The following KLHL36 variants were observed in gnomAD, a reference collection of about 807,000 sequenced individuals.
KLHL36 encodes kelch like family member 36, also known as kelch-like protein 36.
KLHL36 carries 35 observed loss-of-function variants against 53.3 expected under a neutral mutation model. The ratio of observed to expected loss-of-function variants is 0.66; its 90% CI spans 0.50 to 0.87. The LOEUF is 0.87. Ranked by LOEUF, KLHL36 falls within the 40% of genes least tolerant of loss-of-function variation. The pLI, the probability that KLHL36 is intolerant of heterozygous loss-of-function variation, is 0.00. For synonymous variants in KLHL36, 472 were observed against 398.9 expected (o/e 1.18, Z -2.18); for missense variants, 864 against 897.6 (o/e 0.96, Z 0.48).
In KLHL36 at chr16:84,661,940, G is replaced by C; in HGVS notation, c.1658G>C (p.Gly553Ala). Residue 553 changes from glycine to alanine, a missense_variant, in exon 5 of 5, where the codon GGC becomes GCC. Transcript: ENST00000564996. The surrounding 1 kb of genome is among the most constrained non-coding windows in gnomAD (Gnocchi z 7.9). ...VWEGRIYILG[G>A]YSWENTAFSK... ...GAGGGCCGCATCTACATCCTGGGCG[G>C]CTACAGCTGGGAGAACACTGCCTTC... The C allele has an allele frequency of 1.2e-6, 2 of 1,600,330 alleles. No homozygotes were observed. The highest frequency in any genetic ancestry group is 1.7e-6 in the Non-Finnish European group (2 of 1,173,858).
At chr16:84,656,740 C>G (rs1417735712) in intron 2 of KLHL36, 131 bp from the exon 3 acceptor site, 1 of 680,590 alleles carries the variant, frequency 1.5e-6, no homozygotes, top group Non-Finnish European at 2.5e-6. Flanking sequence ...TCCTGCAGTG[C>G]CCTCTGATGC....
Position 84,664,316 on chromosome 16 carries a change from T to TG in KLHL36, c.*2187dup. 1 of 152,164 alleles carries TG rather than the reference T, an allele frequency of 6.6e-6. No homozygotes were observed. The highest frequency in any genetic ancestry group is 1.9e-4 in the East Asian group (1 of 5,178). 9.4% of individuals were successfully genotyped at this position (152,164 alleles called of 1,614,324 possible). On this transcript the variant is annotated 3_prime_UTR_variant, in exon 5 of 5. Transcript: ENST00000564996. ...GTTTGGCCTGAATCTCGGGGCAAGT[T>TG]GGGGAGAGCACATAGAAAGACTCTG...
rs754918968 is a variant in KLHL36 at position 84,657,229 on chromosome 16, A to T, written c.422A>T (p.Gln141Leu). The T allele has an allele frequency of 6.2e-7, 1 of 1,614,194 alleles. No homozygotes were observed. The highest frequency in any genetic ancestry group is 1.1e-5 in the South Asian group (1 of 91,090). The change falls in exon 3 of 5, where the codon CAG becomes CTG. Residue 141 changes from glutamine (Q) to leucine (L), a missense_variant. Coordinates refer to ENST00000564996, the MANE Select transcript of KLHL36 (RefSeq NM_024731.4). ...VVDFCCEYLE[Q>L]EVSEDNYLYL... ...GACTTCTGCTGTGAGTACCTGGAGC[A>T]GGAGGTGAGCGAGGACAACTACCTG...
intron 3 of KLHL36, 109 bp from the exon 4 acceptor site, chr16:84,659,651 C>T: frequency 8.6e-7 from 1 of 1,157,136 alleles, no homozygotes; most frequent in Admixed American, 2.1e-5. Context: ...CTTTCCCAAA[C>T]ATTCTCCGGG....
intron 3 of KLHL36, chr16:84,659,342 T>G (rs945146064): frequency 5.8e-6 from 1 of 173,584 alleles, no homozygotes; most frequent in Admixed American, 5.8e-5. Context: ...CGTCCTGCTC[T>G]GTTAACACGG....
intron 2 of KLHL36, among the ~76,000 whole-genome samples, chr16:84,652,161 A>G (rs961002272): frequency 1.3e-5 from 2 of 152,174 alleles, no homozygotes; most frequent in Non-Finnish European, 2.9e-5. Flanking sequence ...GCTGCTTTCT[A>G]AGTTTGACAG....
In KLHL36 at chr16:84,667,250, G is replaced by C. The variant is rs1284085039; in HGVS notation, c.*5117G>C. 6.6e-6 allele frequency: 1 copy of C among 152,098 alleles called. No individual in the cohort carries two copies. Among genetic ancestry groups the C allele is most frequent in the Non-Finnish European group, 1.5e-5 (1 of 68,036 alleles). The allele number at this position is 152,098 out of a possible 1,614,324, so 9.4% of individuals were successfully genotyped here. A position where few individuals can be genotyped will look rare whatever the true frequency, so the allele number is the denominator to read the frequency against. On this transcript the variant is annotated 3_prime_UTR_variant, in exon 5 of 5. Transcript: ENST00000564996. ...TCTTTACAGATTGCTTGTAATGTAA[G>C]GAAAGAGTCATGTCCTTTGGATTGA...
At position 84,657,935 on chromosome 16, in the gene KLHL36, G is replaced by C; in HGVS notation, c.1128G>C (p.Gln376His). Reference sequence around the variant, plus strand: ...ATAGGTATGACCCCCGCTGTAAACAGTGGATCAAGGTGAGATTAAAGCCAG... The same window carrying C: ...ATAGGTATGACCCCCGCTGTAAACACTGGATCAAGGTGAGATTAAAGCCAG... Reference protein sequence around the residue: ...LLYRYDPRCKQWIKVASMNQR... With the variant: ...LLYRYDPRCKHWIKVASMNQR... The change falls in exon 3 of 5, where the codon CAG (glutamine) becomes CAC (histidine). Residue 376 changes from glutamine (Q) to histidine (H), a missense_variant. By Grantham distance (24) the Gln-to-His change is conservative. Coordinates refer to ENST00000564996, the MANE Select transcript of KLHL36 (RefSeq NM_024731.4). 1 of 1,512,184 alleles carries C rather than the reference G, an allele frequency of 6.6e-7. No individual in the cohort carries two copies. The highest frequency in any genetic ancestry group is 1.4e-5 in the African/African-American group (1 of 71,722). The allele number at this position is 1,512,184 out of a possible 1,614,324, so 93.7% of individuals were successfully genotyped here.
chr16:84,650,779 G>A (rs1470785759), intron 1 of KLHL36, 73 bp from the exon 2 acceptor site: 8 of 1,096,074 alleles, frequency 7.3e-6, no homozygotes, highest in South Asian at 5.3e-5. Flanking sequence ...CTTGGTATCT[G>A]CTAGCAGGGC....
In KLHL36 at chr16:84,656,900, G is replaced by C; in HGVS notation, c.93G>C (p.Thr31=). ...ACCGCTGGGCCGACCACTCAAGCAC[G>C]GTGCTGCAGCGGCTGAACGAGCAGC... The part of the protein sequence containing the change: ...KVYRWADHSS[T]VLQRLNEQRL... Residue 31 remains threonine (T), a synonymous_variant, in exon 3 of 5, where the codon ACG becomes ACC. Coordinates refer to ENST00000564996, the MANE Select transcript of KLHL36 (RefSeq NM_024731.4). 1 of 1,611,658 alleles carries C rather than the reference G, an allele frequency of 6.2e-7. No individual in the cohort carries two copies. Among genetic ancestry groups the C allele is most frequent in the Non-Finnish European group, 8.5e-7 (1 of 1,179,258 alleles).
intron 2 of KLHL36, among the ~76,000 whole-genome samples, chr16:84,656,530 G>A (rs1050225697): frequency 2.6e-5 from 4 of 151,354 alleles, no homozygotes; most frequent in Admixed American, 2.0e-4. Context: ...TACTCAGGAG[G>A]CTGAGGCAGG....
chr16:84,652,727 T>G (rs1906972341), intron 2 of KLHL36, among the ~76,000 whole-genome samples: 1 of 152,218 alleles, frequency 6.6e-6, no homozygotes, highest in African/African-American at 2.4e-5. Context: ...ACCGCTGTGG[T>G]TTGATCTGCT....
intron 2 of KLHL36, among the ~76,000 whole-genome samples, chr16:84,656,273 G>T (rs1035859260): frequency 6.7e-6 from 1 of 148,152 alleles, no homozygotes; most frequent in Non-Finnish European, 1.5e-5. Context: ...TTGTTTGTTT[G>T]TTTTTTGTTT....
At chr16:84,658,638 G>C (rs1025304482) in intron 3 of KLHL36, 2 of 152,250 alleles carry the variant, frequency 1.3e-5, no homozygotes, top group Admixed American at 1.3e-4. Flanking sequence ...GAATACGTGG[G>C]GGACAGGGAG....
Position 84,663,629 on chromosome 16 carries a change from G to A in KLHL36, c.*1496G>A, listed in dbSNP as rs1439655705. ...CTTCCTGCAGACAGTTCCGAGAGCA[G>A]GTCTCGATGTCACTTGCCCTTTAAG... is the stretch of plus-strand genomic sequence containing the variant. On this transcript the variant is annotated 3_prime_UTR_variant, in exon 5 of 5. Transcript: ENST00000564996. 6.6e-6 allele frequency: 1 copy of A among 152,174 alleles called. No homozygotes were observed. The highest frequency in any genetic ancestry group is 1.9e-4 in the East Asian group (1 of 5,198). The allele number at this position is 152,174 out of a possible 1,614,324, so 9.4% of individuals were successfully genotyped here.
chr16:84,667,648 C>A lies in KLHL36; in HGVS notation c.*5515C>A, dbSNP rs1029947118. 6.6e-6 allele frequency: 1 copy of A among 152,104 alleles called. No homozygotes were observed. Among genetic ancestry groups the A allele is most frequent in the Non-Finnish European group, 1.5e-5 (1 of 68,020 alleles). 9.4% of individuals were successfully genotyped at this position (152,104 alleles called of 1,614,324 possible). A position where few individuals can be genotyped will look rare whatever the true frequency, so the allele number is the denominator to read the frequency against. Reference sequence around the variant, plus strand: ...ATTTCTCTGCCCGTATGAAAAAGAACCCCTTGCCTGTTGATCCTAAATATA... The same window carrying A: ...ATTTCTCTGCCCGTATGAAAAAGAAACCCTTGCCTGTTGATCCTAAATATA... On this transcript the variant is annotated 3_prime_UTR_variant, in exon 5 of 5. Transcript: ENST00000564996.
intron 2 of KLHL36, among the ~76,000 whole-genome samples, chr16:84,652,037 T>G (rs1251923434): frequency 6.6e-6 from 1 of 152,208 alleles, no homozygotes; most frequent in Non-Finnish European, 1.5e-5. Flanking sequence ...TGTTCTCACG[T>G]GAGTTCCCCA....
intron 1 of KLHL36, among the ~76,000 whole-genome samples, 190 bp from the exon 2 acceptor site, chr16:84,650,662 G>T (rs1231282424): frequency 6.6e-6 from 1 of 152,054 alleles, no homozygotes; most frequent in Non-Finnish European, 1.5e-5. Context: ...TAAATGTTCT[G>T]TCCAATTCTA....
Position 84,648,696 on chromosome 16 carries a change from G to A in KLHL36, c.-17+47G>A, listed in dbSNP as rs1240905955. ...CCCTCCAGCCCGGGACCGCCAGGAA[G>A]CCGCGCCCGGCCGGGGCGGGGAGCT... On this transcript the variant is annotated intron_variant, in intron 1 of 4. Coordinates refer to ENST00000564996, the MANE Select transcript of KLHL36 (RefSeq NM_024731.4). The surrounding 1 kb of genome is among the most constrained non-coding windows in gnomAD (Gnocchi z 4.9). 6.8e-6 allele frequency: 1 copy of A among 147,802 alleles called. No homozygotes were observed. The highest frequency in any genetic ancestry group is 1.5e-5 in the Non-Finnish European group (1 of 66,156). 9.2% of individuals were successfully genotyped at this position (147,802 alleles called of 1,614,324 possible).
Sources: gnomAD v4.1 joint callset for allele counts (sites outside exome capture counted in the v4.1 genomes callset) on GRCh38, gnomAD v4.1.1 for gene constraint, Gnocchi (gnomAD v3.1) non-coding constraint, MANE v1.5 for transcripts, NCBI Gene and HGNC (gene_info 2026-07-23, HGNC 2026-07-21) for gene names.